The following NUP93 variants were observed in gnomAD, a reference collection of about 807,000 sequenced individuals.
The protein encoded by NUP93 is nucleoporin 93, also known as nuclear pore complex protein Nup93.
Under a neutral mutation model 107.8 loss-of-function variants are expected in NUP93, and 55 were observed. That is an observed-to-expected ratio of 0.51 (90% CI 0.41 to 0.64). The LOEUF is 0.64. NUP93 is among the 30% of genes least tolerant of loss of function. NUP93 has a pLI of 0.00. For missense variants in NUP93, 937 were observed against 1,044.7 expected (o/e 0.90, Z 1.42); for synonymous variants, 390 against 397.5 (o/e 0.98, Z 0.22).
intron 1 of NUP93, among the ~76,000 whole-genome samples, chr16:56,730,996 C>G (rs190514292): frequency 2.6e-4 from 39 of 152,218 alleles, no homozygotes; most frequent in Non-Finnish European, 5.0e-4. Flanking sequence ...TGTATTCTTT[C>G]CAGGGTATGT....
chr16:56,799,047 C>T (rs1962964087), intron 4 of NUP93, among the ~76,000 whole-genome samples: 1 of 152,086 alleles, frequency 6.6e-6, no homozygotes, highest in Non-Finnish European at 1.5e-5. Flanking sequence ...GACTGAAATG[C>T]ATCTGAGACA....
chr16:56,818,295 A>G (rs1963473989), intron 5 of NUP93, among the ~76,000 whole-genome samples: 1 of 152,234 alleles, frequency 6.6e-6, no homozygotes, highest in Non-Finnish European at 1.5e-5. Context: ...GCCCACTGAT[A>G]AAAATAATGG....
chr16:56,849,938 C>T lies in NUP93; in HGVS notation c.*5329C>T, dbSNP rs1483946204. 1.6e-4 allele frequency: 25 copies of T among 152,178 alleles called. No homozygotes were observed. Among genetic ancestry groups the T allele is most frequent in the Admixed American group, 1.6e-3 (25 of 15,272 alleles). 9.4% of individuals were successfully genotyped at this position (152,178 alleles called of 1,614,324 possible). On this transcript the variant is annotated 3_prime_UTR_variant, in exon 22 of 22. Coordinates refer to ENST00000308159, the MANE Select transcript of NUP93 (RefSeq NM_014669.5). ...TGTGGGCCCCAGTTGACCTCAGTGG[C>T]TGTCATCTACTGTGTTTTTCAACCA...
At chr16:56,758,145 G>A (rs1275564236) in intron 2 of NUP93, among the ~76,000 whole-genome samples, 2 of 152,002 alleles carry the variant, frequency 1.3e-5, no homozygotes, top group African/African-American at 4.8e-5. Context: ...CTGACTCTGT[G>A]ACTTTGGGCA....
intron 3 of NUP93, among the ~76,000 whole-genome samples, chr16:56,768,866 C>CAAAAA (rs10674596): frequency 3.0e-4 from 40 of 135,568 alleles, no homozygotes; most frequent in East Asian, 8.7e-4. Flanking sequence ...GACTCTGTCT[C>CAAAAA]AAAAAAAAAA....
At position 56,848,193 on chromosome 16, in the gene NUP93, G is replaced by C. The variant is rs937092195; in HGVS notation, c.*3584G>C. 6.6e-6 allele frequency: 1 copy of C among 152,288 alleles called. No homozygotes were observed. The highest frequency in any genetic ancestry group is 2.1e-4 in the South Asian group (1 of 4,826). The allele number at this position is 152,288 out of a possible 1,614,324, so 9.4% of individuals were successfully genotyped here. A position where few individuals can be genotyped will look rare whatever the true frequency, so the allele number is the denominator to read the frequency against. ...CAGCATGCCACTCAGGAAGTGACTT[G>C]AGCATGCTGAATGCTGAGTCAGAAA... On this transcript the variant is annotated 3_prime_UTR_variant, in exon 22 of 22. Transcript: ENST00000308159.
intron 8 of NUP93, among the ~76,000 whole-genome samples, chr16:56,826,669 T>C (rs1339879176): frequency 6.6e-6 from 1 of 152,170 alleles, no homozygotes; most frequent in African/African-American, 2.4e-5. Flanking sequence ...AGGACCCGTA[T>C]ACCATCTAGA....
chr16:56,808,647 T>C (rs1963233902), intron 5 of NUP93, among the ~76,000 whole-genome samples: 1 of 134,948 alleles, frequency 7.4e-6, no homozygotes. Flanking sequence ...TATATAAATA[T>C]ATAAAAATAC....
At chr16:56,819,845 C>A (rs1375074070) in intron 6 of NUP93, among the ~76,000 whole-genome samples, 1 of 152,180 alleles carries the variant, frequency 6.6e-6, no homozygotes, top group Non-Finnish European at 1.5e-5. Flanking sequence ...GCCATTGCCA[C>A]GTCAGACTCC....
At chr16:56,831,170 A>G (rs1963777331) in intron 10 of NUP93, among the ~76,000 whole-genome samples, 1 of 152,236 alleles carries the variant, frequency 6.6e-6, no homozygotes, top group Non-Finnish European at 1.5e-5. Flanking sequence ...GTTCTCTTGC[A>G]TTAAGGAACT....
At chr16:56,762,631 T>C (rs1307780927) in intron 3 of NUP93, among the ~76,000 whole-genome samples, 2 of 152,206 alleles carry the variant, frequency 1.3e-5, no homozygotes, top group African/African-American at 4.8e-5. Flanking sequence ...AATAAATAAT[T>C]GCCAAACTTA....
intron 5 of NUP93, among the ~76,000 whole-genome samples, chr16:56,807,920 G>T (rs1963179337): frequency 6.6e-6 from 1 of 151,154 alleles, no homozygotes; most frequent in Admixed American, 6.6e-5. Context: ...TACTCCAGGG[G>T]CTGAGGCAGG....
intron 3 of NUP93, chr16:56,781,712 G>A: frequency 2.5e-6 from 1 of 401,080 alleles, no homozygotes; most frequent in African/African-American, 2.2e-5. Flanking sequence ...GCAGTGGTTT[G>A]GGTTGGGGAA....
rs564939897 is a variant in NUP93, at chr16:56,796,940, C to T, written c.298-1536C>T. 1.8e-4 allele frequency among the ~76,000 whole-genome samples: 28 copies of T among 151,644 alleles called. No homozygotes were observed. The South Asian group carries it at 5.0e-3, about 27-fold the overall frequency. ...TGAGCCGAGATGGCGCCACTGCACT[C>T]CAGCCTGGCAACAGAGCGAGACTCC... On this transcript the variant is annotated intron_variant, in intron 3 of 21. Transcript: ENST00000308159.
intron 1 of NUP93, among the ~76,000 whole-genome samples, chr16:56,737,622 CT>C (rs11362578): frequency 0.49 from 71,668 of 147,044 alleles, 17,635 homozygotes; most frequent in East Asian, 0.69. Context: ...TCATACGGTG[CT>C]TTTTTTTTTT....
At chr16:56,820,643 T>C (rs1382722103) in intron 6 of NUP93, among the ~76,000 whole-genome samples, 1 of 152,204 alleles carries the variant, frequency 6.6e-6, no homozygotes, top group East Asian at 1.9e-4. Flanking sequence ...ATAACAGCCC[T>C]GGAAGATGAA....
At chr16:56,765,337 T>A (rs2144492862) in intron 3 of NUP93, among the ~76,000 whole-genome samples, 1 of 152,360 alleles carries the variant, frequency 6.6e-6, no homozygotes, top group South Asian at 2.1e-4. Context: ...AACAGGATGT[T>A]CATGATACCC....
At chr16:56,789,412 C>T (rs1368909674) in intron 3 of NUP93, among the ~76,000 whole-genome samples, 4 of 152,216 alleles carry the variant, frequency 2.6e-5, no homozygotes, top group Middle Eastern at 3.2e-3. Flanking sequence ...ATTGTGTGAA[C>T]CTTTTTTTAG....
chr16:56,775,345 A>G (rs2144510229), intron 3 of NUP93, among the ~76,000 whole-genome samples: 1 of 152,360 alleles, frequency 6.6e-6, no homozygotes, highest in East Asian at 1.9e-4. Flanking sequence ...GAACTTCTGA[A>G]TAATAATACT....
Sources: allele counts gnomAD v4.1 joint callset (sites outside exome capture counted in the v4.1 genomes callset), GRCh38; gene constraint gnomAD v4.1.1; transcripts MANE v1.5; gene names NCBI Gene and HGNC (gene_info 2026-07-23, HGNC 2026-07-21).